Variants in TFEC observed in about 807,000 individuals in gnomAD.
The protein encoded by TFEC is class E basic helix-loop-helix protein 34.
In TFEC, 31 loss-of-function variants were observed where a neutral mutation model predicts 41.6. The ratio of observed to expected loss-of-function variants is 0.74; its 90% CI spans 0.56 to 1.01. The LOEUF is 1.01. Ranked by LOEUF, TFEC falls within the 50% of genes least tolerant of loss-of-function variation. The probability of loss-of-function intolerance (pLI) is 0.00; values close to 1 mark genes in which losing one functional copy is unlikely to be tolerated. For synonymous variants in TFEC, 143 were observed against 140.6 expected (o/e 1.02, Z -0.12); for missense variants, 402 against 404.1 (o/e 0.99, Z 0.04).
At chr7:116,046,938 A>G (rs999481244) in intron 3 of TFEC, among the ~76,000 whole-genome samples, 3 of 152,234 alleles carry the variant, frequency 2.0e-5, no homozygotes, top group Admixed American at 2.0e-4. Context: ...TCTCAGGGAG[A>G]ATACCATTTT....
chr7:115,936,892 T>C lies in TFEC; in HGVS notation c.*3659A>G, dbSNP rs920467194. 6.6e-6 allele frequency: 1 copy of C among 151,706 alleles called. No homozygotes were observed. The highest frequency in any genetic ancestry group is 6.6e-5 in the Admixed American group (1 of 15,202). 9.4% of individuals were successfully genotyped at this position (151,706 alleles called of 1,614,324 possible). A position where few individuals can be genotyped will look rare whatever the true frequency, so the allele number is the denominator to read the frequency against. On this transcript the variant is annotated 3_prime_UTR_variant, in exon 8 of 8. Transcript: ENST00000265440. ...GGCTATTTATTATTTAGGGCTTTTT[T>C]AAAAACCTATATAAAGAAAGCCATG...
At chr7:116,104,123 T>A (rs1432576220) in intron 3 of TFEC, among the ~76,000 whole-genome samples, 1 of 152,196 alleles carries the variant, frequency 6.6e-6, no homozygotes, top group Non-Finnish European at 1.5e-5. Flanking sequence ...CAATTTATTA[T>A]CCGAAGGTTG....
intron 1 of TFEC, among the ~76,000 whole-genome samples, chr7:115,998,558 C>A (rs182496076): frequency 0.016 from 2,332 of 150,426 alleles, 37 homozygotes; most frequent in Non-Finnish European, 0.021. Flanking sequence ...TAAAAAAAAA[C>A]ACACAACAAT....
intron 3 of TFEC, among the ~76,000 whole-genome samples, chr7:116,046,054 TA>T (rs1468370908): frequency 2.6e-5 from 4 of 152,210 alleles, no homozygotes; most frequent in Admixed American, 1.3e-4. Flanking sequence ...CCATTGTATC[TA>T]GGAAGAACTA....
At chr7:116,154,558 G>C (rs577924630) in intron 1 of TFEC, among the ~76,000 whole-genome samples, 10 of 152,246 alleles carry the variant, frequency 6.6e-5, no homozygotes, top group African/African-American at 2.2e-4. Flanking sequence ...AATGAACAAG[G>C]CAGATACATT....
At chr7:115,960,305 C>T (rs1360526211) in intron 3 of TFEC, among the ~76,000 whole-genome samples, 1 of 151,546 alleles carries the variant, frequency 6.6e-6, no homozygotes, top group East Asian at 1.9e-4. Context: ...AAATGTCATT[C>T]ACACATGAGG....
chr7:116,137,151 G>A (rs1798448500), intron 1 of TFEC, among the ~76,000 whole-genome samples: 2 of 152,140 alleles, frequency 1.3e-5, no homozygotes, highest in South Asian at 2.1e-4. Flanking sequence ...GGACTTCAGA[G>A]TGACCAGCAA....
intron 1 of TFEC, among the ~76,000 whole-genome samples, chr7:115,989,732 T>C (rs1794021819): frequency 1.3e-5 from 2 of 152,144 alleles, no homozygotes; most frequent in Non-Finnish European, 2.9e-5. Flanking sequence ...GCCGGGAAGC[T>C]TGAACTTGAT....
At chr7:116,135,755 T>A (rs1798420368) in intron 1 of TFEC, among the ~76,000 whole-genome samples, 1 of 152,110 alleles carries the variant, frequency 6.6e-6, no homozygotes, top group Non-Finnish European at 1.5e-5. Flanking sequence ...TGTTTTTTCT[T>A]CATAGGCTTA....
chr7:116,020,051 A>G (rs1795334863), intron 1 of TFEC, among the ~76,000 whole-genome samples: 1 of 152,154 alleles, frequency 6.6e-6, no homozygotes. Flanking sequence ...GCCTTGCTTC[A>G]TTTAATCCTC....
At chr7:116,069,157 G>A (rs1203776583) in intron 3 of TFEC, among the ~76,000 whole-genome samples, 1 of 151,570 alleles carries the variant, frequency 6.6e-6, no homozygotes, top group East Asian at 1.9e-4. Context: ...CAAGAAGGCT[G>A]TGCTGATTCT....
chr7:116,118,740 A>G (rs1008015622), intron 1 of TFEC, among the ~76,000 whole-genome samples: 8 of 151,854 alleles, frequency 5.3e-5, no homozygotes, highest in Non-Finnish European at 1.2e-4. Flanking sequence ...GCAAAGATAC[A>G]GTAGGAGATA....
chr7:116,123,412 G>A lies in TFEC; in HGVS notation c.-68-11374C>T, dbSNP rs1162109208. ...CAGTTACCTTTAATCTTTGCAATTA[G>A]CTACTTTGTCATCTTTTGAGTTCCT... On this transcript the variant is annotated intron_variant, in intron 1 of 8. Transcript: ENST00000484212. Among the ~76,000 whole-genome samples, 4 of 151,902 alleles carry A rather than the reference G, an allele frequency of 2.6e-5. No homozygotes were observed. The South Asian group carries it at 6.2e-4, about 24-fold the overall frequency.
chr7:115,951,807 T>A (rs1455395651), intron 5 of TFEC, among the ~76,000 whole-genome samples: 1 of 152,080 alleles, frequency 6.6e-6, no homozygotes, highest in Non-Finnish European at 1.5e-5. Flanking sequence ...TCATTGCTTA[T>A]GGCAATTTTC....
chr7:115,960,473 A>C (rs1309789295), intron 3 of TFEC, among the ~76,000 whole-genome samples: 1 of 151,704 alleles, frequency 6.6e-6, no homozygotes, highest in African/African-American at 2.4e-5. Context: ...ATCTTGGTAA[A>C]GTGATTGCGG....
chr7:116,112,840 G>A (rs551361970), intron 1 of TFEC, among the ~76,000 whole-genome samples: 1 of 152,090 alleles, frequency 6.6e-6, no homozygotes, highest in Non-Finnish European at 1.5e-5. Flanking sequence ...AATTATGTGA[G>A]CTTGGAAACA....
At chr7:116,075,562 C>G (rs1310112594) in intron 3 of TFEC, among the ~76,000 whole-genome samples, 1 of 152,110 alleles carries the variant, frequency 6.6e-6, no homozygotes, top group Non-Finnish European at 1.5e-5. Flanking sequence ...GTGAGACCAG[C>G]CTTTAAGACT....
At position 115,972,153 on chromosome 7, in the gene TFEC, A is replaced by G. The variant is rs185222720; in HGVS notation, c.267+2017T>C. 7.9e-5 allele frequency among the ~76,000 whole-genome samples: 12 copies of G among 152,010 alleles called. No homozygotes were observed. The East Asian group carries it at 2.3e-3, about 29-fold the overall frequency. On this transcript the variant is annotated intron_variant, in intron 3 of 7. Transcript: ENST00000265440. Reference sequence around the variant, plus strand: ...CTTAACTTGCTACTTTTCTGCCTTCATGTCTATCTCTTAAAATCTTAACTA... The same window carrying G: ...CTTAACTTGCTACTTTTCTGCCTTCGTGTCTATCTCTTAAAATCTTAACTA...
chr7:116,054,264 A>T lies in TFEC; in HGVS notation c.198+56444T>A, dbSNP rs115000232. Among the ~76,000 whole-genome samples the T allele has an allele frequency of 4.0e-3, 614 of 152,318 alleles. 5 individuals are homozygous for T. Among genetic ancestry groups the T allele is most frequent in the African/African-American group, 0.014 (582 of 41,574 alleles). On this transcript the variant is annotated intron_variant, in intron 3 of 8. Coordinates refer to the TFEC transcript ENST00000484212. ...AATGAATGTTGGAGTTGGGATCTTC[A>T]AAGAGGTATACTAGAAAATTAGGAA...
Sources: gnomAD v4.1 joint callset for allele counts (sites outside exome capture counted in the v4.1 genomes callset) on GRCh38, gnomAD v4.1.1 for gene constraint, MANE v1.5 for transcripts, NCBI Gene and HGNC (gene_info 2026-07-23, HGNC 2026-07-21) for gene names.